The following LRRC4C variants were observed in gnomAD, a reference collection of about 807,000 sequenced individuals.
LRRC4C encodes leucine rich repeat containing 4C, also known as leucine-rich repeat-containing protein 4C.
In LRRC4C, 5 loss-of-function variants were observed where a neutral mutation model predicts 33.6. The ratio of observed to expected loss-of-function variants is 0.15; its 90% CI spans 0.08 to 0.31. The LOEUF is 0.31. Among genes scored for constraint, LRRC4C ranks in the 10% least tolerant of loss-of-function variants. LRRC4C has a pLI of 1.00. For missense variants in LRRC4C, 560 were observed against 796.7 expected (o/e 0.70, Z 3.58); for synonymous variants, 329 against 302.0 (o/e 1.09, Z -0.93).
At chr11:41,276,333 T>C (rs1714154273) in intron 1 of LRRC4C, among the ~76,000 whole-genome samples, 1 of 151,074 alleles carries the variant, frequency 6.6e-6, no homozygotes, top group South Asian at 2.1e-4. Flanking sequence ...GCCTGTGTTT[T>C]AGCTCCTTGA....
intron 1 of LRRC4C, among the ~76,000 whole-genome samples, chr11:41,189,462 C>A (rs1945850015): frequency 6.6e-6 from 1 of 152,066 alleles, no homozygotes; most frequent in Admixed American, 6.6e-5. Flanking sequence ...AAGGACCAGA[C>A]TATTTAGTGT....
chr11:40,228,207 C>T (rs983927581), intron 5 of LRRC4C, among the ~76,000 whole-genome samples: 5 of 151,988 alleles, frequency 3.3e-5, no homozygotes, highest in African/African-American at 9.7e-5. Context: ...GTTACGTAAC[C>T]CTCAACTAAG....
intron 1 of LRRC4C, among the ~76,000 whole-genome samples, chr11:41,371,970 C>A (rs1000608452): frequency 6.6e-6 from 1 of 152,138 alleles, no homozygotes; most frequent in East Asian, 1.9e-4. Context: ...CCCGTCTCTA[C>A]TAAAAAATAC....
chr11:40,255,091 G>A (rs747590066), intron 4 of LRRC4C, among the ~76,000 whole-genome samples: 22 of 152,184 alleles, frequency 1.4e-4, no homozygotes, highest in Non-Finnish European at 2.8e-4. Context: ...GTGAGTCACC[G>A]CACCCGGCCC....
At chr11:40,914,869 A>G (rs922815805) in intron 2 of LRRC4C, among the ~76,000 whole-genome samples, 3 of 152,194 alleles carry the variant, frequency 2.0e-5, no homozygotes, top group Non-Finnish European at 4.4e-5. Context: ...TACAAAATCA[A>G]TGTACAAAAA....
intron 3 of LRRC4C, among the ~76,000 whole-genome samples, chr11:40,615,985 T>G (rs943956935): frequency 2.0e-5 from 3 of 151,774 alleles, no homozygotes; most frequent in African/African-American, 7.2e-5. Flanking sequence ...GTGTGGACTT[T>G]TCAAGGAATG....
intron 1 of LRRC4C, among the ~76,000 whole-genome samples, chr11:40,998,605 CT>C (rs1271057169): frequency 6.6e-6 from 1 of 152,090 alleles, no homozygotes. Flanking sequence ...CTATGATCTA[CT>C]GATATGTCCT....
intron 2 of LRRC4C, among the ~76,000 whole-genome samples, chr11:40,752,260 G>A (rs566580278): frequency 6.6e-6 from 1 of 151,994 alleles, no homozygotes; most frequent in Admixed American, 6.6e-5. Context: ...ATGGGATTCT[G>A]TTAAAAAGAT....
At chr11:40,326,946 A>G (rs2136906252) in intron 3 of LRRC4C, among the ~76,000 whole-genome samples, 1 of 152,342 alleles carries the variant, frequency 6.6e-6, no homozygotes, top group South Asian at 2.1e-4. Context: ...TTTCAAACAC[A>G]GCTGTAGAAA....
At chr11:40,145,757 T>A (rs1365632204) in intron 5 of LRRC4C, among the ~76,000 whole-genome samples, 4 of 152,192 alleles carry the variant, frequency 2.6e-5, no homozygotes, top group Admixed American at 1.3e-4. Context: ...CTTAACTTGC[T>A]CACAGAAAAA....
chr11:40,192,768 G>A (rs1861949077), intron 5 of LRRC4C, among the ~76,000 whole-genome samples: 1 of 152,126 alleles, frequency 6.6e-6, no homozygotes, highest in Admixed American at 6.5e-5. Context: ...TTGGTGGGGG[G>A]AGGGGCGTCC....
intron 3 of LRRC4C, among the ~76,000 whole-genome samples, chr11:40,338,201 T>C (rs1032508713): frequency 3.3e-5 from 5 of 152,346 alleles, no homozygotes; most frequent in Non-Finnish European, 5.9e-5. Flanking sequence ...ACTTGTATCA[T>C]AGCAATTCAA....
intron 1 of LRRC4C, among the ~76,000 whole-genome samples, chr11:41,397,146 A>G (rs1953850725): frequency 6.6e-6 from 1 of 151,996 alleles, no homozygotes; most frequent in African/African-American, 2.4e-5. Flanking sequence ...ATGCTAAGCT[A>G]TTTTGAACCA....
chr11:41,091,096 C>A (rs1356187566), intron 1 of LRRC4C, among the ~76,000 whole-genome samples: 1 of 151,942 alleles, frequency 6.6e-6, no homozygotes, highest in East Asian at 1.9e-4. Context: ...AACTTTAGAC[C>A]AGAGATGTAA....
intron 2 of LRRC4C, among the ~76,000 whole-genome samples, chr11:40,882,167 A>G (rs938455339): frequency 6.6e-6 from 1 of 151,996 alleles, no homozygotes; most frequent in African/African-American, 2.4e-5. Context: ...ATAAACTAGA[A>G]TGACTAGCAG....
intron 3 of LRRC4C, among the ~76,000 whole-genome samples, chr11:40,343,795 T>C (rs939962172): frequency 4.2e-5 from 6 of 142,208 alleles, no homozygotes; most frequent in Non-Finnish European, 7.6e-5. Flanking sequence ...CAAATAAACA[T>C]AATTAGAAAT....
At chr11:41,148,726 C>G (rs889577719) in intron 1 of LRRC4C, among the ~76,000 whole-genome samples, 2 of 151,974 alleles carry the variant, frequency 1.3e-5, no homozygotes, top group Admixed American at 6.6e-5. Flanking sequence ...TGTTTGGATT[C>G]TATTCACATC....
At chr11:40,639,509 T>C (rs1456438455) in intron 3 of LRRC4C, among the ~76,000 whole-genome samples, 1 of 152,224 alleles carries the variant, frequency 6.6e-6, no homozygotes, top group African/African-American at 2.4e-5. Flanking sequence ...TACCTTGTTA[T>C]TTTCAAGTAT....
intron 1 of LRRC4C, among the ~76,000 whole-genome samples, chr11:41,150,563 G>A (rs1283437130): frequency 3.9e-5 from 6 of 151,998 alleles, no homozygotes; most frequent in African/African-American, 1.5e-4. Context: ...AGGCCAAGGT[G>A]GGCGGATCAC....
Sources: allele counts gnomAD v4.1 joint callset (sites outside exome capture counted in the v4.1 genomes callset), GRCh38; gene constraint gnomAD v4.1.1; transcripts MANE v1.5; gene names NCBI Gene and HGNC (gene_info 2026-07-23, HGNC 2026-07-21).